The following ANKRD30A variants were observed in gnomAD, a reference collection of about 807,000 sequenced individuals.
ANKRD30A encodes the protein ankyrin repeat domain-containing protein 30A.
In ANKRD30A, 170 loss-of-function variants were observed where a neutral mutation model predicts 166.3. That is an observed-to-expected ratio of 1.02 (90% CI 0.90 to 1.16). ANKRD30A has a LOEUF of 1.16. ANKRD30A is among the 50% of genes most tolerant of loss of function. The probability of loss-of-function intolerance (pLI) is 0.00; values close to 1 mark genes in which losing one functional copy is unlikely to be tolerated. For missense variants in ANKRD30A, 1,630 were observed against 1,518.0 expected, an observed-to-expected ratio of 1.07 and a Z score of -1.23; for synonymous variants, 564 against 508.9, an observed-to-expected ratio of 1.11 and a Z score of -1.46.
chr10:37,126,034 C>T (rs775650069), intron 1 of ANKRD30A, 26 bp downstream of exon 1: 8 of 1,569,448 alleles, frequency 5.1e-6, no homozygotes, highest in African/African-American at 1.4e-5. Flanking sequence ...TGAGCCGGGG[C>T]TGCAGGAGGA....
At chr10:37,160,478 G>A (rs1432715995) in intron 15 of ANKRD30A, among the ~76,000 whole-genome samples, 1 of 152,142 alleles carries the variant, frequency 6.6e-6, no homozygotes, top group Non-Finnish European at 1.5e-5. Context: ...GAACTTCAGA[G>A]ATGCTCAGAT....
At chr10:37,264,463 G>A in the ANKRD30A span, 38 of 204,372 alleles carry the variant, frequency 1.9e-4, no homozygotes, top group Middle Eastern at 2.1e-3. Context: ...TCTGTAGTGG[G>A]TGGAGTTCGG....
At chr10:37,141,683 A>C in intron 6 of ANKRD30A, 35 bp from the exon 7 acceptor site, 1 of 1,606,504 alleles carries the variant, frequency 6.2e-7, no homozygotes, top group Non-Finnish European at 8.5e-7. Flanking sequence ...GATATTTAGT[A>C]GAAGGAAAAT....
In ANKRD30A at chr10:37,142,217, A is replaced by G. The variant is rs868528347; in HGVS notation, c.1320A>G (p.Lys440=). The G allele has an allele frequency of 1.2e-6, 2 of 1,609,142 alleles. No homozygotes were observed. Among genetic ancestry groups the G allele is most frequent in the Middle Eastern group, 3.3e-4 (2 of 6,014 alleles). The change falls in exon 7 of 36, where the codon AAA becomes AAG. Residue 440 remains lysine, a synonymous_variant. Coordinates refer to ENST00000361713, the MANE Select transcript of ANKRD30A (RefSeq NM_052997.3). The stretch of plus-strand genomic sequence containing the variant: ...CAAGAGTAACATCTAATAAAACTAA[A>G]GTTTTGGAAAAAGGAAGATCTAAGA... ...CVARVTSNKT[K]VLEKGRSKMI...
At chr10:37,222,742 A>G (rs1842955154) in intron 34 of ANKRD30A, among the ~76,000 whole-genome samples, 2 of 151,354 alleles carry the variant, frequency 1.3e-5, no homozygotes, top group Admixed American at 6.6e-5. Flanking sequence ...CCATTTTCAT[A>G]AAGCTTTCTC....
intron 13 of ANKRD30A, among the ~76,000 whole-genome samples, chr10:37,154,391 G>A (rs1318702366): frequency 6.6e-6 from 1 of 152,170 alleles, no homozygotes; most frequent in Admixed American, 6.5e-5. Flanking sequence ...GCTGATGCTG[G>A]TGGTCCTTGG....
At chr10:37,247,246 A>C in the ANKRD30A span, among the ~76,000 whole-genome samples, 1 of 152,164 alleles carries the variant, frequency 6.6e-6, no homozygotes, top group Non-Finnish European at 1.5e-5. Context: ...TAAAGAGGTA[A>C]AGCACAGAGG....
chr10:37,167,210 A>G (rs1839423162), intron 19 of ANKRD30A, among the ~76,000 whole-genome samples: 1 of 150,160 alleles, frequency 6.7e-6, no homozygotes, highest in Admixed American at 6.6e-5. Flanking sequence ...TCTGGAGACT[A>G]CTGGAATCAT....
At chr10:37,206,163 T>A (rs1186433191) in intron 31 of ANKRD30A, among the ~76,000 whole-genome samples, 1 of 152,150 alleles carries the variant, frequency 6.6e-6, no homozygotes, top group East Asian at 1.9e-4. Flanking sequence ...ATCCGGAGAT[T>A]ATTTTGCTAA....
In ANKRD30A at chr10:37,166,701, A is replaced by T. The variant is rs1278663930; in HGVS notation, c.2155+6A>T. ...AATAAATGGAAAATTAGAAGGTAAG[A>T]ACCGTTTTTTATTTAAAAATCATTT... On this transcript the variant is annotated splice_donor_region_variant and intron_variant, in intron 19 of 35. Transcript: ENST00000361713. 1.2e-6 allele frequency: 2 copies of T among 1,605,356 alleles called. No homozygotes were observed. The highest frequency in any genetic ancestry group is 2.7e-5 in the African/African-American group (2 of 74,352).
intron 6 of ANKRD30A, among the ~76,000 whole-genome samples, chr10:37,138,630 A>G (rs1836883454): frequency 1.3e-5 from 2 of 152,222 alleles, no homozygotes; most frequent in African/African-American, 4.8e-5. Context: ...GGTATCAGTG[A>G]TTGAAGATCA....
At position 37,125,897 on chromosome 10, in the gene ANKRD30A, G is replaced by A. The variant is rs1306502602; in HGVS notation, c.110G>A (p.Gly37Glu). 10 of 1,567,534 alleles carry A rather than the reference G, an allele frequency of 6.4e-6. No homozygotes were observed. Among genetic ancestry groups the A allele is most frequent in the Non-Finnish European group, 8.8e-6 (10 of 1,140,164 alleles). ...TSNDSYIVHS[G>E]DLRKIHKAAS... is the part of the protein sequence containing the mutation. ...AACGACTCCTACATCGTCCACTCTG[G>A]GGATCTTAGAAAGATCCATAAAGCT... Residue 37 changes from glycine (G) to glutamate (E), a missense_variant, in exon 1 of 36, where the codon GGG becomes GAG. Gly to Glu is a moderately conservative substitution (Grantham distance 98). Around this residue, in one of 4 missense-constraint regions of ANKRD30A, gnomAD observed 904 missense variants for 818.5 expected, o/e 1.10. Coordinates refer to ENST00000361713, the MANE Select transcript of ANKRD30A (RefSeq NM_052997.3).
chr10:37,129,936 G>A lies in ANKRD30A; in HGVS notation c.265G>A (p.Val89Ile), dbSNP rs534812137. 7.6e-6 allele frequency: 12 copies of A among 1,574,878 alleles called. No individual in the cohort carries two copies. In the East Asian group the frequency reaches 1.6e-4, roughly 21 times the overall value. ...CTGTGTCAATGGCCATGAGGAAGTA[G>A]TAACATTTCTGGTAGACAGAAAGTG... ...WACVNGHEEV[V>I]TFLVDRKCQL... The change falls in exon 2 of 36, where the codon GTA becomes ATA. Residue 89 changes from valine (V) to isoleucine (I), a missense_variant. Around this residue, in one of 4 missense-constraint regions of ANKRD30A, gnomAD observed 904 missense variants for 818.5 expected, o/e 1.10. Coordinates refer to ENST00000361713, the MANE Select transcript of ANKRD30A (RefSeq NM_052997.3).
At chr10:37,148,026 G>A (rs932336126) in intron 9 of ANKRD30A, among the ~76,000 whole-genome samples, 4 of 152,086 alleles carry the variant, frequency 2.6e-5, no homozygotes, top group African/African-American at 9.7e-5. Flanking sequence ...AAAATGCATA[G>A]GTGTGCATCT....
At chr10:37,221,761 G>C (rs113415612) in intron 34 of ANKRD30A, among the ~76,000 whole-genome samples, 1,675 of 151,318 alleles carry the variant, frequency 0.011, 25 homozygotes, top group African/African-American at 0.036. Context: ...CAGATAAACA[G>C]TGTTTTTCAG....
intron 34 of ANKRD30A, among the ~76,000 whole-genome samples, chr10:37,223,732 C>T (rs1469853625): frequency 6.6e-6 from 1 of 151,088 alleles, no homozygotes; most frequent in Non-Finnish European, 1.5e-5. Context: ...CGGCTTTACA[C>T]ATATATAACT....
At chr10:37,230,683 A>G (rs1195554900) in intron 34 of ANKRD30A, among the ~76,000 whole-genome samples, 1 of 152,072 alleles carries the variant, frequency 6.6e-6, no homozygotes, top group Non-Finnish European at 1.5e-5. Context: ...ACTTTCTTTG[A>G]TAGTGGTCTT....
At chr10:37,261,202 T>C in the ANKRD30A span, among the ~76,000 whole-genome samples, 1 of 152,202 alleles carries the variant, frequency 6.6e-6, no homozygotes, top group Non-Finnish European at 1.5e-5. Flanking sequence ...GAGTTGTGCC[T>C]TAGTGGTTGT....
intron 15 of ANKRD30A, among the ~76,000 whole-genome samples, chr10:37,162,120 T>C (rs1211622472): frequency 6.6e-6 from 1 of 152,156 alleles, no homozygotes; most frequent in African/African-American, 2.4e-5. Flanking sequence ...AATATAGGCA[T>C]ATGATTACAC....
Sources: allele counts gnomAD v4.1 joint callset (sites outside exome capture counted in the v4.1 genomes callset), GRCh38; gene constraint gnomAD v4.1.1; regional missense constraint gnomAD v4.1.1; transcripts MANE v1.5; gene names NCBI Gene and HGNC (gene_info 2026-07-23, HGNC 2026-07-21).